FBXO32: variants seen among roughly 807,000 people sequenced by gnomAD.
The protein encoded by FBXO32 is F-box protein 32, also known as F-box only protein 32.
A neutral mutation model predicts 48.3 loss-of-function variants in FBXO32; 15 were observed. That is an observed-to-expected ratio of 0.31 (90% CI 0.21 to 0.48). The LOEUF is 0.48. Among genes scored for constraint, FBXO32 ranks in the 20% least tolerant of loss-of-function variants. FBXO32 has a pLI of 0.99. For missense variants in FBXO32, 309 were observed against 432.7 expected (o/e 0.71, Z 2.54); for synonymous variants, 154 against 165.9 (o/e 0.93, Z 0.55).
In FBXO32 at chr8:123,513,408, T is replaced by TA; in HGVS notation, c.467-27dup. The TA allele has an allele frequency of 5.0e-6, 8 of 1,590,106 alleles. No homozygotes were observed. The South Asian group carries it at 8.9e-5, about 18-fold the overall frequency. On this transcript the variant is annotated intron_variant, in intron 5 of 8. Coordinates refer to ENST00000517956, the MANE Select transcript of FBXO32 (RefSeq NM_058229.4). This position sits in a 1 kb window ranked among gnomAD's most constrained non-coding sequence, Gnocchi z 4.3. ...CTTGAGTAGGGAAGAAAAAAATAAT[T>TA]AAAGTTATGATACTGGAACACCCTG...
chr8:123,534,882 A>C (rs1817280853), intron 1 of FBXO32, 68 bp from the exon 2 acceptor site: 1 of 927,294 alleles, frequency 1.1e-6, no homozygotes, highest in African/African-American at 1.7e-5. Context: ...TGTTTCTATA[A>C]ATAACTCACT....
intron 1 of FBXO32, among the ~76,000 whole-genome samples, chr8:123,537,033 C>T (rs1014266991): frequency 3.9e-5 from 6 of 152,054 alleles, no homozygotes; most frequent in Non-Finnish European, 8.8e-5. Context: ...TTTTAGATTC[C>T]GGAGGAAGGG....
At chr8:123,533,070 T>C in intron 3 of FBXO32, 121 bp downstream of exon 3, 1 of 702,810 alleles carries the variant, frequency 1.4e-6, no homozygotes, top group Non-Finnish European at 2.5e-6. Flanking sequence ...ATAGCTGCCA[T>C]CTCCCACATC....
rs540119998 is a variant in FBXO32, at chr8:123,541,087, C to T, written c.-73G>A. The stretch of plus-strand genomic sequence containing the variant: ...GGGCTCGGGGACGTGCCACCCGGGG[C>T]GGATGCTCGGGGTGCAGGGGCCCGC... On this transcript the variant is annotated 5_prime_UTR_variant, in exon 1 of 9. Coordinates refer to ENST00000517956, the MANE Select transcript of FBXO32 (RefSeq NM_058229.4). 1.4e-5 allele frequency: 14 copies of T among 1,025,690 alleles called. No individual in the cohort carries two copies. In the South Asian group the frequency reaches 2.4e-4, roughly 18 times the overall value. 63.5% of individuals were successfully genotyped at this position (1,025,690 alleles called of 1,614,324 possible). A position where few individuals can be genotyped will look rare whatever the true frequency, so the allele number is the denominator to read the frequency against.
chr8:123,527,265 T>C (rs983901751), intron 4 of FBXO32: 5 of 152,114 alleles, frequency 3.3e-5, no homozygotes, highest in African/African-American at 1.2e-4. Context: ...CTGGAGAAAA[T>C]AATACAGGTT....
intron 3 of FBXO32, among the ~76,000 whole-genome samples, chr8:123,532,328 C>A (rs188526552): frequency 4.6e-5 from 7 of 152,276 alleles, no homozygotes; most frequent in Admixed American, 3.3e-4. Context: ...GAGCAGGGTA[C>A]GGGACATGGG....
chr8:123,531,329 T>C (rs73330092), intron 4 of FBXO32, among the ~76,000 whole-genome samples: 3,097 of 152,274 alleles, frequency 0.02, 114 homozygotes, highest in African/African-American at 0.071. Flanking sequence ...TGAATACTGT[T>C]ATCACATGGG....
chr8:123,507,179 C>T (rs1816643277), intron 6 of FBXO32, among the ~76,000 whole-genome samples: 1 of 152,162 alleles, frequency 6.6e-6, no homozygotes, highest in Non-Finnish European at 1.5e-5. Flanking sequence ...TTCTTAGGAT[C>T]TCTTTGAGAC....
At chr8:123,530,824 G>C (rs1817187948) in intron 4 of FBXO32, among the ~76,000 whole-genome samples, 1 of 150,630 alleles carries the variant, frequency 6.6e-6, no homozygotes, top group Non-Finnish European at 1.5e-5. Context: ...TCACTATGTT[G>C]GCCAGGCTGG....
Position 123,498,067 on chromosome 8 carries a change from T to C in FBXO32, c.*5306A>G, listed in dbSNP as rs1816392334. The C allele has an allele frequency of 6.6e-6, 1 of 152,252 alleles. No homozygotes were observed. Among genetic ancestry groups the C allele is most frequent in the African/African-American group, 2.4e-5 (1 of 41,470 alleles). The allele number at this position is 152,252 out of a possible 1,614,324, so 9.4% of individuals were successfully genotyped here. On this transcript the variant is annotated 3_prime_UTR_variant, in exon 9 of 9. Transcript: ENST00000517956. ...AATAAACATCTCTGCATGTAATTGG[T>C]CTAACTTTATGCTTTAGTTACAATG...
chr8:123,506,524 C>A lies in FBXO32; in HGVS notation c.702G>T (p.Leu234=). The part of the protein sequence containing the change: ...TFTDLPLCLQ[L]NIMQRLSDGR... ...CGTCGCTCAGCCTCTGCATGATGTTCAGTTGTAGGCACAAAGGCAGGTCAG... is the reference window on the plus strand; with the variant it reads ...CGTCGCTCAGCCTCTGCATGATGTTAAGTTGTAGGCACAAAGGCAGGTCAG... Residue 234 remains leucine (L), a synonymous_variant, in exon 7 of 9, where the codon CTG becomes CTT. Transcript: ENST00000517956. This position sits in a 1 kb window ranked among gnomAD's most constrained non-coding sequence, Gnocchi z 4.0. The A allele has an allele frequency of 6.2e-7, 1 of 1,611,640 alleles. No individual in the cohort carries two copies. Among genetic ancestry groups the A allele is most frequent in the South Asian group, 1.1e-5 (1 of 90,904 alleles).
At chr8:123,520,459 G>GA in intron 4 of FBXO32, among the ~76,000 whole-genome samples, 1 of 152,294 alleles carries the variant, frequency 6.6e-6, no homozygotes, top group East Asian at 1.9e-4. Flanking sequence ...AGCTACTGGA[G>GA]GGAGGGATGG....
In FBXO32 at chr8:123,499,752, T is replaced by C. The variant is rs375294719; in HGVS notation, c.*3621A>G. The C allele has an allele frequency of 7.2e-5, 11 of 152,332 alleles. No homozygotes were observed. Among genetic ancestry groups the C allele is most frequent in the East Asian group, 5.8e-4 (3 of 5,192 alleles). The allele number at this position is 152,332 out of a possible 1,614,324, so 9.4% of individuals were successfully genotyped here. ...TAGACAATTGAAATTCCAAGCTCTT[T>C]CTCTTCTCCCATATAAAAACAACAG... On this transcript the variant is annotated 3_prime_UTR_variant, in exon 9 of 9. Coordinates refer to ENST00000517956, the MANE Select transcript of FBXO32 (RefSeq NM_058229.4).
At chr8:123,535,248 GA>G (rs1003698689) in intron 1 of FBXO32, among the ~76,000 whole-genome samples, 277 of 143,788 alleles carry the variant, frequency 1.9e-3, no homozygotes, top group East Asian at 5.6e-3. Flanking sequence ...TGCTTCTTTA[GA>G]AAAAAAAAAA....
chr8:123,533,873 G>A (rs1179091093), intron 2 of FBXO32, among the ~76,000 whole-genome samples: 6 of 149,966 alleles, frequency 4.0e-5, no homozygotes, highest in Middle Eastern at 7.6e-3. Flanking sequence ...GGGGTAGATC[G>A]CTTGAGCCCT....
At chr8:123,518,430 T>C (rs529981616) in intron 4 of FBXO32, among the ~76,000 whole-genome samples, 2 of 152,368 alleles carry the variant, frequency 1.3e-5, no homozygotes, top group Non-Finnish European at 2.9e-5. Flanking sequence ...TGTATTTCAA[T>C]TGTAGCTGTT....
intron 4 of FBXO32, among the ~76,000 whole-genome samples, chr8:123,523,233 CA>C (rs965758159): frequency 1.3e-5 from 2 of 152,102 alleles, no homozygotes; most frequent in African/African-American, 4.8e-5. Flanking sequence ...CTCACCTGCC[CA>C]ATTTGGCACA....
rs1213254613 is a variant in FBXO32, at chr8:123,500,680, C to T, written c.*2693G>A. On this transcript the variant is annotated 3_prime_UTR_variant, in exon 9 of 9. Coordinates refer to ENST00000517956, the MANE Select transcript of FBXO32 (RefSeq NM_058229.4). ...ATATGTTGTGCCTGCTGTGCTCTTCCCATTGTCCCCACACAAGCCACAGCA... is the reference window on the plus strand; with the variant it reads ...ATATGTTGTGCCTGCTGTGCTCTTCTCATTGTCCCCACACAAGCCACAGCA... 1 of 152,210 alleles carries T rather than the reference C, an allele frequency of 6.6e-6. No homozygotes were observed. The highest frequency in any genetic ancestry group is 2.4e-5 in the African/African-American group (1 of 41,436). 9.4% of individuals were successfully genotyped at this position (152,210 alleles called of 1,614,324 possible). A position where few individuals can be genotyped will look rare whatever the true frequency, so the allele number is the denominator to read the frequency against.
At chr8:123,522,004 C>G (rs1479170416) in intron 4 of FBXO32, among the ~76,000 whole-genome samples, 1 of 152,132 alleles carries the variant, frequency 6.6e-6, no homozygotes, top group Non-Finnish European at 1.5e-5. Flanking sequence ...AGCTTGAACA[C>G]TGACAGGTTG....
Sources: allele counts gnomAD v4.1 joint callset (sites outside exome capture counted in the v4.1 genomes callset), GRCh38; gene constraint gnomAD v4.1.1; non-coding constraint Gnocchi (gnomAD v3.1); transcripts MANE v1.5; gene names NCBI Gene and HGNC (gene_info 2026-07-23, HGNC 2026-07-21).